The following MRPS9 variants were observed in gnomAD, a reference collection of about 807,000 sequenced individuals.
The protein encoded by MRPS9 is mitochondrial ribosomal protein S9, also known as small ribosomal subunit protein uS9m.
A neutral mutation model predicts 59.9 loss-of-function variants in MRPS9; 45 were observed. The observed-to-expected ratio is 0.75, with a 90% confidence interval of 0.59 to 0.96. The LOEUF (loss-of-function observed/expected upper bound fraction) is 0.96, where lower values mean the gene tolerates loss of function less well. Among genes scored for constraint, MRPS9 ranks in the 40% least tolerant of loss-of-function variants. MRPS9 has a pLI of 0.00. For missense variants in MRPS9, 473 were observed against 481.1 expected, an observed-to-expected ratio of 0.98 and a Z score of 0.16; for synonymous variants, 171 against 166.8, an observed-to-expected ratio of 1.03 and a Z score of -0.19.
intron 1 of MRPS9, among the ~76,000 whole-genome samples, chr2:105,043,483 A>C (rs1259969475): frequency 6.6e-6 from 1 of 152,152 alleles, no homozygotes; most frequent in African/African-American, 2.4e-5. Context: ...GATCCTGAGC[A>C]TAGAGGCAGG....
chr2:105,095,497 T>TC (rs1680641237), intron 9 of MRPS9, among the ~76,000 whole-genome samples: 1 of 148,762 alleles, frequency 6.7e-6, no homozygotes, highest in Non-Finnish European at 1.5e-5. Flanking sequence ...ATTTTTTTTT[T>TC]CTTTTTTTTT....
rs1337744744 is a variant in MRPS9 at position 105,090,146 on chromosome 2, C to A, written c.651+151C>A. 2.4e-5 allele frequency: 10 copies of A among 419,360 alleles called. No homozygotes were observed. In the Admixed American group the frequency reaches 3.4e-4, roughly 14 times the overall value. The allele number at this position is 419,360 out of a possible 1,614,324, so 26.0% of individuals were successfully genotyped here. On this transcript the variant is annotated intron_variant, in intron 7 of 10. Coordinates refer to ENST00000258455, the MANE Select transcript of MRPS9 (RefSeq NM_182640.3). ...TCTTTAAAAACAAAACAAAACAAAA[C>A]AAAAAAACAAAACACATTCATCATT... is the stretch of plus-strand genomic sequence containing the variant.
chr2:105,041,370 C>T (rs1679498220), intron 1 of MRPS9, among the ~76,000 whole-genome samples: 1 of 152,174 alleles, frequency 6.6e-6, no homozygotes, highest in South Asian at 2.1e-4. Flanking sequence ...TACTACTGAA[C>T]ACTTTCCTAG....
chr2:105,050,419 C>T (rs1573418644), intron 2 of MRPS9, among the ~76,000 whole-genome samples: 2 of 152,150 alleles, frequency 1.3e-5, no homozygotes, highest in African/African-American at 2.4e-5. Context: ...GGATTACAGG[C>T]GTTAGCCACC....
chr2:105,073,861 A>G (rs74755431), intron 4 of MRPS9, among the ~76,000 whole-genome samples: 2,694 of 152,302 alleles, frequency 0.018, 82 homozygotes, highest in African/African-American at 0.062. Flanking sequence ...AATGTTCAAA[A>G]CAAAAGCCGT....
chr2:105,057,138 T>A (rs1301879163), intron 2 of MRPS9, among the ~76,000 whole-genome samples: 2 of 152,206 alleles, frequency 1.3e-5, no homozygotes, highest in African/African-American at 2.4e-5. Context: ...TAAATTATAT[T>A]GAAACAAAAT....
At chr2:105,072,969 T>G (rs1011979145) in intron 4 of MRPS9, among the ~76,000 whole-genome samples, 6 of 152,200 alleles carry the variant, frequency 3.9e-5, no homozygotes, top group African/African-American at 1.4e-4. Flanking sequence ...AAATGAAGAC[T>G]ATGTTAAAAA....
At chr2:105,047,225 A>G (rs1336100366) in intron 1 of MRPS9, among the ~76,000 whole-genome samples, 2 of 152,062 alleles carry the variant, frequency 1.3e-5, no homozygotes, top group Admixed American at 6.6e-5. Context: ...GGTTAGTAAT[A>G]TATTTTAGAA....
rs149402894 is a variant in MRPS9 at position 105,038,097 on chromosome 2, C to T, written c.5C>T (p.Ala2Val). 540 of 1,613,722 alleles carry T rather than the reference C, an allele frequency of 3.3e-4. 4 individuals are homozygous for T. The highest frequency in any genetic ancestry group is 1.6e-3 in the South Asian group (145 of 91,010). The change falls in exon 1 of 11, where the codon GCG becomes GTG. Residue 2 changes from alanine to valine, a missense_variant. Transcript: ENST00000258455. M[A>V]APCVSYGGAV... ...CCTGGAGCTCCCACAGCTAACATGG[C>T]GGCGCCCTGTGTGTCCTACGGCGGA...
intron 1 of MRPS9, among the ~76,000 whole-genome samples, chr2:105,040,622 A>G (rs796076876): frequency 3.3e-5 from 5 of 152,286 alleles, no homozygotes; most frequent in African/African-American, 1.2e-4. Flanking sequence ...TTGCATAGCA[A>G]TCTTGTGGTA....
At chr2:105,084,266 A>ATG (rs1680405776) in intron 5 of MRPS9, among the ~76,000 whole-genome samples, 1 of 149,772 alleles carries the variant, frequency 6.7e-6, no homozygotes, top group Non-Finnish European at 1.5e-5. Context: ...ATATATATAT[A>ATG]TATGTAAAAT....
intron 2 of MRPS9, among the ~76,000 whole-genome samples, chr2:105,065,262 A>T (rs1397712799): frequency 2.0e-5 from 3 of 152,194 alleles, no homozygotes; most frequent in East Asian, 3.8e-4. Flanking sequence ...TGAATCTGTT[A>T]TCTGAGAGAA....
chr2:105,071,539 G>A (rs776693884), intron 4 of MRPS9, 50 bp downstream of exon 4: 73 of 1,555,424 alleles, frequency 4.7e-5, no homozygotes, highest in Non-Finnish European at 5.7e-5. Flanking sequence ...ACCGTATTCC[G>A]GTGTTAGGTT....
chr2:105,085,542 A>G (rs1209475617), intron 5 of MRPS9, among the ~76,000 whole-genome samples: 2 of 152,196 alleles, frequency 1.3e-5, no homozygotes, highest in Non-Finnish European at 2.9e-5. Context: ...AGATTTCAGA[A>G]GGATACTAAA....
intron 7 of MRPS9, among the ~76,000 whole-genome samples, chr2:105,090,370 G>T (rs566683080): frequency 6.6e-6 from 1 of 152,346 alleles, no homozygotes; most frequent in East Asian, 1.9e-4. Flanking sequence ...TATAGGTTAA[G>T]TAGAAAAGGG....
chr2:105,088,496 A>G (rs144854392), intron 5 of MRPS9, among the ~76,000 whole-genome samples: 1 of 152,160 alleles, frequency 6.6e-6, no homozygotes, highest in Non-Finnish European at 1.5e-5. Flanking sequence ...TAAAAACTAT[A>G]TGATAAGGAC....
intron 2 of MRPS9, among the ~76,000 whole-genome samples, chr2:105,053,655 G>A (rs987464116): frequency 6.6e-6 from 1 of 152,166 alleles, no homozygotes; most frequent in Admixed American, 6.5e-5. Flanking sequence ...CAATCAGGTA[G>A]AAACCAATTT....
At chr2:105,067,186 TATA>T (rs1680017041) in intron 2 of MRPS9, among the ~76,000 whole-genome samples, 1 of 152,200 alleles carries the variant, frequency 6.6e-6, no homozygotes, top group South Asian at 2.1e-4. Context: ...CTGATACAAT[TATA>T]ATAATTCTAT....
chr2:105,079,353 C>T (rs772125690), intron 4 of MRPS9, among the ~76,000 whole-genome samples: 2 of 151,830 alleles, frequency 1.3e-5, no homozygotes, highest in African/African-American at 4.8e-5. Context: ...AGTTAGCATT[C>T]GTCTTGTTTC....
Sources: gnomAD v4.1 joint callset for allele counts (sites outside exome capture counted in the v4.1 genomes callset) on GRCh38, gnomAD v4.1.1 for gene constraint, MANE v1.5 for transcripts, NCBI Gene and HGNC (gene_info 2026-07-23, HGNC 2026-07-21) for gene names.